Variants in XYLB observed in about 807,000 individuals in gnomAD.
The protein encoded by XYLB is xylulokinase, also known as xylulose kinase.
Under a neutral mutation model 78.7 loss-of-function variants are expected in XYLB, and 62 were observed. That is an observed-to-expected ratio of 0.79 (90% CI 0.64 to 0.97). XYLB has a LOEUF of 0.97. XYLB is among the 50% of genes least tolerant of loss of function. The pLI is 0.00. For synonymous variants in XYLB, 245 were observed against 247.4 expected (o/e 0.99, Z 0.09); for missense variants, 687 against 676.8 (o/e 1.02, Z -0.17).
intron 7 of XYLB, 39 bp from the exon 8 acceptor site, chr3:38,368,146 T>G: frequency 6.3e-7 from 1 of 1,580,282 alleles, no homozygotes; most frequent in South Asian, 1.1e-5. Context: ...GTAGGGTATG[T>G]GGAAGTGAGG....
chr3:38,365,091 G>A, intron 4 of XYLB, 108 bp from the exon 5 acceptor site: 1 of 933,028 alleles, frequency 1.1e-6, no homozygotes, highest in South Asian at 1.5e-5. Context: ...GGCAGGGGCA[G>A]GTGTGGAGCC....
At position 38,376,147 on chromosome 3, in the gene XYLB, G is replaced by T. The variant is rs535773969; in HGVS notation, c.1035G>T (p.Lys345Asn). 1.2e-6 allele frequency: 2 copies of T among 1,614,060 alleles called. No individual in the cohort carries two copies. The highest frequency in any genetic ancestry group is 2.7e-5 in the African/African-American group (2 of 75,046). Reference sequence around the variant, plus strand: ...AAAATGGCTCCCTCATGAGAGAGAAGATCCGCAACGAGTCTGTATCCCGTT... The same window carrying T: ...AAAATGGCTCCCTCATGAGAGAGAATATCCGCAACGAGTCTGTATCCCGTT... ...CFKNGSLMRE[K>N]IRNESVSRSW... Residue 345 changes from lysine to asparagine, a missense_variant, in exon 13 of 19, where the codon AAG (lysine) becomes AAT (asparagine). Coordinates refer to ENST00000207870, the MANE Select transcript of XYLB (RefSeq NM_005108.4).
intron 15 of XYLB, among the ~76,000 whole-genome samples, chr3:38,389,378 C>G (rs1331574801): frequency 2.6e-5 from 4 of 151,954 alleles, no homozygotes; most frequent in Non-Finnish European, 5.9e-5. Flanking sequence ...TCCGATTTCT[C>G]AATCTTTTCC....
chr3:38,406,256 T>G (rs1008084321), intron 18 of XYLB, among the ~76,000 whole-genome samples: 2 of 152,250 alleles, frequency 1.3e-5, no homozygotes, highest in East Asian at 3.9e-4. Context: ...CAGCCACCAC[T>G]GCTGATACCC....
chr3:38,371,736 C>T (rs1706576723), intron 9 of XYLB, among the ~76,000 whole-genome samples: 1 of 152,194 alleles, frequency 6.6e-6, no homozygotes, highest in Non-Finnish European at 1.5e-5. Context: ...GCCTCTGCCA[C>T]CATGAGGCAG....
At chr3:38,358,310 TG>T (rs1460681247) in intron 2 of XYLB, among the ~76,000 whole-genome samples, 624 of 12,522 alleles carry the variant, frequency 0.05, 12 homozygotes, top group African/African-American at 0.19. Flanking sequence ...AGTTTTGTTT[TG>T]TGTGTGTGTG....
chr3:38,413,219 CCAGGG>C lies in XYLB; in HGVS notation c.*211_*215del, dbSNP rs1008257390. 2.1e-6 allele frequency: 1 copy of C among 466,122 alleles called. No individual in the cohort carries two copies. The highest frequency in any genetic ancestry group is 2.0e-5 in the African/African-American group (1 of 48,946). The allele number at this position is 466,122 out of a possible 1,614,324, so 28.9% of individuals were successfully genotyped here. A position where few individuals can be genotyped will look rare whatever the true frequency, so the allele number is the denominator to read the frequency against. On this transcript the variant is annotated 3_prime_UTR_variant, in exon 19 of 19. Transcript: ENST00000207870. ...ACTCCTGTCCCTGTGCCCGTGTGCC[CCAGGG>C]CAGGAAAGCATCTCTCTTTTCCTGT...
intron 2 of XYLB, among the ~76,000 whole-genome samples, chr3:38,349,721 C>T (rs1360109114): frequency 6.6e-6 from 1 of 152,152 alleles, no homozygotes; most frequent in Non-Finnish European, 1.5e-5. Context: ...TTTATATTCT[C>T]ACACATCTGG....
chr3:38,416,324 A>G (rs1559626391), downstream of XYLB, among the ~76,000 whole-genome samples: 1 of 152,222 alleles, frequency 6.6e-6, no homozygotes, highest in African/African-American at 2.4e-5. Flanking sequence ...AGGGAGATTT[A>G]GAGCATTAAA....
intron 15 of XYLB, among the ~76,000 whole-genome samples, chr3:38,394,971 C>G (rs190138417): frequency 1.3e-5 from 2 of 152,150 alleles, no homozygotes; most frequent in Admixed American, 1.3e-4. Flanking sequence ...TGTGTCAGAG[C>G]GAGATGGAAG....
chr3:38,387,514 G>A (rs1707437137), intron 15 of XYLB, among the ~76,000 whole-genome samples: 1 of 152,072 alleles, frequency 6.6e-6, no homozygotes, highest in Admixed American at 6.6e-5. Flanking sequence ...GGGACTACAG[G>A]CAAGCGCCAC....
the XYLB span, among the ~76,000 whole-genome samples, chr3:38,435,677 T>C: frequency 2.0e-5 from 3 of 152,194 alleles, no homozygotes; most frequent in Non-Finnish European, 4.4e-5. Context: ...TTCTCCAGGA[T>C]AGACCATATG....
At chr3:38,396,442 C>T (rs1021471871) in intron 16 of XYLB, among the ~76,000 whole-genome samples, 1 of 152,196 alleles carries the variant, frequency 6.6e-6, no homozygotes, top group Non-Finnish European at 1.5e-5. Flanking sequence ...CTATGCTCAG[C>T]CAAGGTCAGC....
downstream of XYLB, among the ~76,000 whole-genome samples, chr3:38,417,013 CCT>C (rs1286056096): frequency 2.0e-5 from 3 of 152,136 alleles, no homozygotes; most frequent in African/African-American, 7.2e-5. Flanking sequence ...ATTTAAAACA[CCT>C]CTCTCTCATC....
At chr3:38,385,580 A>G (rs561369083) in intron 15 of XYLB, among the ~76,000 whole-genome samples, 1 of 152,346 alleles carries the variant, frequency 6.6e-6, no homozygotes, top group African/African-American at 2.4e-5. Flanking sequence ...CTTTATTTAC[A>G]TAACATATCT....
chr3:38,353,798 A>C (rs1189787516), intron 2 of XYLB, among the ~76,000 whole-genome samples: 1 of 150,080 alleles, frequency 6.7e-6, no homozygotes, highest in Non-Finnish European at 1.5e-5. Flanking sequence ...GAGGCAGGAG[A>C]ATCACCTGAA....
At chr3:38,425,664 G>A (rs993264523), downstream of XYLB, among the ~76,000 whole-genome samples, 1 of 152,174 alleles carries the variant, frequency 6.6e-6, no homozygotes, top group East Asian at 1.9e-4. Flanking sequence ...ATGGGGTAGA[G>A]GTTATGCTTG....
the XYLB span, among the ~76,000 whole-genome samples, chr3:38,443,846 T>A: frequency 5.9e-5 from 9 of 152,190 alleles, no homozygotes; most frequent in Admixed American, 5.9e-4. Flanking sequence ...ATGGTGGACA[T>A]CATTGAATAA....
chr3:38,360,287 A>G, intron 2 of XYLB, 52 bp from the exon 3 acceptor site: 1 of 1,548,162 alleles, frequency 6.5e-7, no homozygotes, highest in Admixed American at 1.7e-5. Context: ...CTGGCTTTGC[A>G]ATGGTCTGCC....
Sources: gnomAD v4.1 joint callset for allele counts (sites outside exome capture counted in the v4.1 genomes callset) on GRCh38, gnomAD v4.1.1 for gene constraint, MANE v1.5 for transcripts, NCBI Gene and HGNC (gene_info 2026-07-23, HGNC 2026-07-21) for gene names.